Variants in SMIM13 observed in about 807,000 individuals in gnomAD.
SMIM13 encodes UPF0766 protein C6orf228.
In SMIM13, 3 loss-of-function variants were observed where a neutral mutation model predicts 5.9. The ratio of observed to expected loss-of-function variants is 0.51; its 90% CI spans 0.23 to 1.31. The LOEUF (loss-of-function observed/expected upper bound fraction) is 1.31, where lower values mean the gene tolerates loss of function less well. Among genes scored for constraint, SMIM13 ranks in the 40% most tolerant of loss-of-function variants. The pLI, the probability that SMIM13 is intolerant of heterozygous loss-of-function variation, is 0.18. For missense variants in SMIM13, 85 were observed against 109.9 expected (o/e 0.77, Z 1.01); for synonymous variants, 55 against 46.0 (o/e 1.19, Z -0.79).
At chr6:11,105,662 G>A in intron 1 of SMIM13, 1 of 203,048 alleles carries the variant, frequency 4.9e-6, no homozygotes, top group Non-Finnish European at 1.1e-5. Context: ...TGGTGAAGGG[G>A]CCCTTTCAAA....
chr6:11,134,425 T>A lies in SMIM13; in HGVS notation c.99T>A (p.Leu33=). The change falls in exon 2 of 2, where the codon CTT becomes CTA. Residue 33 remains leucine (L), a synonymous_variant. Coordinates refer to ENST00000416247, the MANE Select transcript of SMIM13 (RefSeq NM_001135575.2). ...MVCGWYFVWH[L]FLSKFKFLRE... ...TAGGTTGGTATTTTGTATGGCATCTTTTTTTATCAAAATTCAAGTTTCTCC... is the reference window on the plus strand; with the variant it reads ...TAGGTTGGTATTTTGTATGGCATCTATTTTTATCAAAATTCAAGTTTCTCC... The A allele has an allele frequency of 6.4e-7, 1 of 1,551,052 alleles. No individual in the cohort carries two copies. Among genetic ancestry groups the A allele is most frequent in the Non-Finnish European group, 8.7e-7 (1 of 1,146,614 alleles).
At chr6:11,116,048 C>T (rs1314688709) in intron 1 of SMIM13, among the ~76,000 whole-genome samples, 1 of 120,122 alleles carries the variant, frequency 8.3e-6, no homozygotes, top group African/African-American at 3.1e-5. Flanking sequence ...GACAGAGTCT[C>T]ACTCTGTCAC....
intron 1 of SMIM13, among the ~76,000 whole-genome samples, chr6:11,097,129 A>G (rs1363435091): frequency 1.3e-5 from 2 of 152,052 alleles, no homozygotes; most frequent in Non-Finnish European, 2.9e-5. Context: ...TGAGCCACCC[A>G]TGCCCAGCCA....
At chr6:11,119,213 A>G (rs941561929) in intron 1 of SMIM13, among the ~76,000 whole-genome samples, 10 of 152,208 alleles carry the variant, frequency 6.6e-5, no homozygotes, top group African/African-American at 2.4e-4. Flanking sequence ...GAGCTGTTGG[A>G]TGGAGACAGA....
At position 11,094,325 on chromosome 6, in the gene SMIM13, C is replaced by G; in HGVS notation, c.12C>G (p.Ser4Arg). ...CTTCTGCCCCCAAGATGTGGCACAGCGTCGGGCTGACTCTGCTTGTGTTCG... is the reference window on the plus strand; with the variant it reads ...CTTCTGCCCCCAAGATGTGGCACAGGGTCGGGCTGACTCTGCTTGTGTTCG... MWH[S>R]VGLTLLVFVA... The change falls in exon 1 of 2, where the codon AGC becomes AGG. Residue 4 changes from serine to arginine, a missense_variant. Ser to Arg is a moderately radical substitution (Grantham distance 110). Coordinates refer to ENST00000416247, the MANE Select transcript of SMIM13 (RefSeq NM_001135575.2). 1 of 1,525,216 alleles carries G rather than the reference C, an allele frequency of 6.6e-7. No individual in the cohort carries two copies. The highest frequency in any genetic ancestry group is 8.8e-7 in the Non-Finnish European group (1 of 1,137,216). The allele number at this position is 1,525,216 out of a possible 1,614,324, so 94.5% of individuals were successfully genotyped here.
intron 1 of SMIM13, chr6:11,111,573 T>G (rs1758167425): frequency 6.6e-6 from 1 of 152,376 alleles, no homozygotes; most frequent in African/African-American, 2.4e-5. Context: ...GAGGAATCGT[T>G]CCAGGGGTAG....
chr6:11,096,611 A>G (rs1011303191), intron 1 of SMIM13, among the ~76,000 whole-genome samples: 3 of 152,290 alleles, frequency 2.0e-5, no homozygotes, highest in Admixed American at 1.3e-4. Context: ...GGAGTGCGAT[A>G]TTAGTTTGCC....
rs1190609992 is a variant in SMIM13, at chr6:11,135,345, C to T, written c.*743C>T. On this transcript the variant is annotated 3_prime_UTR_variant, in exon 2 of 2. Coordinates refer to ENST00000416247, the MANE Select transcript of SMIM13 (RefSeq NM_001135575.2). ...TAGATGAAGCTGTACTACGTTTCGTCAGTGAGACACGTGCAAAAGGATTGC... is the reference window on the plus strand; with the variant it reads ...TAGATGAAGCTGTACTACGTTTCGTTAGTGAGACACGTGCAAAAGGATTGC... The T allele has an allele frequency of 1.3e-5, 2 of 152,608 alleles. No individual in the cohort carries two copies. The highest frequency in any genetic ancestry group is 2.9e-5 in the Non-Finnish European group (2 of 68,026). 9.5% of individuals were successfully genotyped at this position (152,608 alleles called of 1,614,324 possible).
chr6:11,104,000 T>G lies in SMIM13; in HGVS notation c.76+9611T>G, dbSNP rs776055785. On this transcript the variant is annotated intron_variant, in intron 1 of 1. Transcript: ENST00000416247. ...CTGATTGATTTACCCAAAAGCAACA[T>G]TTTTCATCTAAGGCCAAACAAATTC... 2.6e-6 allele frequency: 4 copies of G among 1,551,684 alleles called. No homozygotes were observed. The South Asian group carries it at 4.8e-5, about 18-fold the overall frequency.
rs377209942 is a variant in SMIM13 at position 11,131,420 on chromosome 6, T to C, written c.77-2983T>C. Among the ~76,000 whole-genome samples the C allele has an allele frequency of 2.0e-5, 3 of 151,916 alleles. No individual in the cohort carries two copies. In the East Asian group the frequency reaches 5.8e-4, roughly 29 times the overall value. On this transcript the variant is annotated intron_variant, in intron 1 of 1. Coordinates refer to ENST00000416247, the MANE Select transcript of SMIM13 (RefSeq NM_001135575.2). ...TGATGCCATTTTTTTTTTTTTTTAC[T>C]GAAATCGATAAGATGATTCTAAAAT...
rs557956017 is a variant in SMIM13 at position 11,111,291 on chromosome 6, C to T, written c.76+16902C>T. On this transcript the variant is annotated intron_variant, in intron 1 of 1. Coordinates refer to ENST00000416247, the MANE Select transcript of SMIM13 (RefSeq NM_001135575.2). ...CAAGGCAGTTGGTCCAATGGGTGTG[C>T]GAGGTCATTTTGGAATACATACAGA... Among the ~76,000 whole-genome samples the T allele has an allele frequency of 1.2e-3, 185 of 152,186 alleles. 1 individual carries two copies. Among genetic ancestry groups the T allele is most frequent in the Middle Eastern group, 3.4e-3 (1 of 294 alleles).
chr6:11,133,918 A>G (rs145570290), intron 1 of SMIM13, among the ~76,000 whole-genome samples: 2 of 152,182 alleles, frequency 1.3e-5, no homozygotes, highest in African/African-American at 4.8e-5. Context: ...ATTTCCAGAA[A>G]CTTACGAATA....
chr6:11,111,310 A>C (rs1471569084), intron 1 of SMIM13, among the ~76,000 whole-genome samples: 1 of 152,244 alleles, frequency 6.6e-6, no homozygotes, highest in Non-Finnish European at 1.5e-5. Context: ...TTTGGAATAC[A>C]TACAGAGAAA....
At chr6:11,131,494 T>G (rs1244618654) in intron 1 of SMIM13, among the ~76,000 whole-genome samples, 1 of 151,866 alleles carries the variant, frequency 6.6e-6, no homozygotes, top group East Asian at 1.9e-4. Flanking sequence ...AAAAAGAACA[T>G]TGATGTATTC....
At chr6:11,108,218 C>A (rs1187431090) in intron 1 of SMIM13, among the ~76,000 whole-genome samples, 2 of 152,220 alleles carry the variant, frequency 1.3e-5, no homozygotes, top group African/African-American at 4.8e-5. Flanking sequence ...ACGGGCACTT[C>A]ATATCCTCCC....
At chr6:11,130,892 A>G (rs1451315411) in intron 1 of SMIM13, among the ~76,000 whole-genome samples, 1 of 152,282 alleles carries the variant, frequency 6.6e-6, no homozygotes, top group Admixed American at 6.5e-5. Context: ...TTTTCAGTCA[A>G]AAGACTTCCT....
chr6:11,120,311 T>A (rs1007317492), intron 1 of SMIM13, among the ~76,000 whole-genome samples: 1 of 152,166 alleles, frequency 6.6e-6, no homozygotes, highest in African/African-American at 2.4e-5. Flanking sequence ...AACGGAAGTT[T>A]ATTTCTCATG....
At chr6:11,104,554 A>G (rs759075554) in intron 1 of SMIM13, 3 of 1,599,604 alleles carry the variant, frequency 1.9e-6, no homozygotes, top group African/African-American at 1.3e-5. Context: ...ACTTGGACGC[A>G]GGGTGTTTGG....
At chr6:11,114,592 C>CTCTTTTTTTTTTTTTTTTTTTTT (rs1758212653) in intron 1 of SMIM13, among the ~76,000 whole-genome samples, 1 of 21,826 alleles carries the variant, frequency 4.6e-5, no homozygotes, top group Non-Finnish European at 7.4e-5. Flanking sequence ...CACTTTTTCT[C>CTCTTTTTTTTTTTTTTTTTTTTT]TTTTTTTTTT....
Sources: allele counts gnomAD v4.1 joint callset (sites outside exome capture counted in the v4.1 genomes callset), GRCh38; gene constraint gnomAD v4.1.1; transcripts MANE v1.5; gene names NCBI Gene and HGNC (gene_info 2026-07-23, HGNC 2026-07-21).